PFKFB3: variants seen among roughly 807,000 people sequenced by gnomAD.
PFKFB3 encodes 6-phosphofructo-2-kinase/fructose-2,6-biphosphatase 3, also known as 6-phosphofructo-2-kinase/fructose-2,6-bisphosphatase 3.
PFKFB3 carries 33 observed loss-of-function variants against 68.0 expected under a neutral mutation model. The observed-to-expected ratio is 0.49, with a 90% CI of 0.37 to 0.65. PFKFB3 has a LOEUF of 0.65. Among genes scored for constraint, PFKFB3 ranks in the 30% least tolerant of loss-of-function variants. The pLI is 0.00. For missense variants in PFKFB3, 586 were observed against 712.2 expected (o/e 0.82, Z 2.02); for synonymous variants, 315 against 288.2 (o/e 1.09, Z -0.94).
chr10:6,225,049 G>T (rs918335941), intron 13 of PFKFB3: 5 of 449,758 alleles, frequency 1.1e-5, no homozygotes, highest in Non-Finnish European at 1.8e-5. Flanking sequence ...TGTCTACCTT[G>T]GGGGGAGGCC....
chr10:6,289,079 A>G, the PFKFB3 span, among the ~76,000 whole-genome samples: 1 of 150,418 alleles, frequency 6.6e-6, no homozygotes, highest in Non-Finnish European at 1.5e-5. Context: ...AATTTGTTTG[A>G]GTTCATCGTA....
the PFKFB3 span, among the ~76,000 whole-genome samples, chr10:6,289,567 T>G: frequency 1.2e-4 from 18 of 151,740 alleles, no homozygotes; most frequent in Non-Finnish European, 2.7e-4. Context: ...GATCTATATC[T>G]CTGTTTTGGT....
intron 1 of PFKFB3, among the ~76,000 whole-genome samples, chr10:6,156,127 A>ATGTGTGTGTGTG (rs1358879118): frequency 3.6e-4 from 17 of 46,782 alleles, no homozygotes; most frequent in African/African-American, 6.5e-4. Context: ...ATGTACATAT[A>ATGTGTGTGTGTG]TATGTGTGTG....
chr10:6,161,210 A>C (rs1841957996), intron 1 of PFKFB3, among the ~76,000 whole-genome samples: 1 of 152,198 alleles, frequency 6.6e-6, no homozygotes, highest in Admixed American at 6.5e-5. Context: ...TGCTGGAATT[A>C]CAGGTGTGAG....
intron 1 of PFKFB3, among the ~76,000 whole-genome samples, chr10:6,170,227 T>G (rs1032584251): frequency 6.6e-6 from 1 of 152,210 alleles, no homozygotes; most frequent in Non-Finnish European, 1.5e-5. Context: ...TAGAAGCAAT[T>G]TAAAGCCTCC....
chr10:6,159,434 C>A (rs573082447), intron 1 of PFKFB3, among the ~76,000 whole-genome samples: 1 of 151,872 alleles, frequency 6.6e-6, no homozygotes, highest in South Asian at 2.1e-4. Context: ...CATGGTGGCT[C>A]ACACCTGTAA....
chr10:6,325,313 T>C, the PFKFB3 span, among the ~76,000 whole-genome samples: 30 of 152,182 alleles, frequency 2.0e-4, no homozygotes, highest in Admixed American at 8.5e-4. Context: ...CTTTCAAAGT[T>C]AATAACATGT....
At chr10:6,280,063 G>A in the PFKFB3 span, among the ~76,000 whole-genome samples, 4 of 152,166 alleles carry the variant, frequency 2.6e-5, no homozygotes, top group Admixed American at 6.5e-5. Context: ...CACCTGGCTC[G>A]TTACCTTTGA....
the PFKFB3 span, among the ~76,000 whole-genome samples, chr10:6,268,362 T>C: frequency 6.6e-6 from 1 of 152,018 alleles, no homozygotes; most frequent in Admixed American, 6.6e-5. Context: ...ATTATAAAAA[T>C]TATATAAGGC....
At chr10:6,279,389 G>A in the PFKFB3 span, among the ~76,000 whole-genome samples, 9 of 152,124 alleles carry the variant, frequency 5.9e-5, no homozygotes, top group Admixed American at 5.2e-4. Flanking sequence ...GCCGCCAATC[G>A]GGTTTCTATC....
intron 13 of PFKFB3, chr10:6,225,056 G>T (rs1348700934): frequency 2.2e-6 from 1 of 452,160 alleles, no homozygotes; most frequent in Non-Finnish European, 4.5e-6. Flanking sequence ...CTTGGGGGGA[G>T]GCCTGACATT....
chr10:6,286,485 C>A, the PFKFB3 span, among the ~76,000 whole-genome samples: 1 of 152,038 alleles, frequency 6.6e-6, no homozygotes. Flanking sequence ...TCAAGTGATT[C>A]TCCTGCCTCA....
At chr10:6,179,451 AC>A (rs1209406620) in intron 1 of PFKFB3, among the ~76,000 whole-genome samples, 3 of 152,084 alleles carry the variant, frequency 2.0e-5, no homozygotes, top group Non-Finnish European at 4.4e-5. Flanking sequence ...GTGCTGGACA[AC>A]CCCCAGCTGC....
chr10:6,320,513 A>G, the PFKFB3 span, among the ~76,000 whole-genome samples: 1 of 151,668 alleles, frequency 6.6e-6, no homozygotes, highest in South Asian at 2.1e-4. Context: ...GGGCAGTGGC[A>G]CGGTCACGAC....
rs1842514177 is a variant in PFKFB3, at chr10:6,177,386, T to TTCTTTCTTTCTTTCTTTCTTTC, written c.16+32375_16+32396dup. On this transcript the variant is annotated intron_variant, in intron 1 of 14. Transcript: ENST00000379789. ...TTTCTTTCTTTCTTTCTTTCTTTCTTTCTTTCTTTCTTTCTTTCTTTCTTC... is the reference window on the plus strand; with the variant it reads ...TTTCTTTCTTTCTTTCTTTCTTTCTTTCTTTCTTTCTTTCTTTCTTTCTCTTTCTTTCTTTCTTTCTTTCTTC... 1.6e-4 allele frequency among the ~76,000 whole-genome samples: 18 copies of TTCTTTCTTTCTTTCTTTCTTTC among 113,302 alleles called. 1 individual carries two copies. The South Asian group carries it at 6.3e-3, about 40-fold the overall frequency. The allele number at this position is 113,302 out of a possible 152,430, so 74.3% of individuals were successfully genotyped here.
intron 3 of PFKFB3, 76 bp from the exon 4 acceptor site, chr10:6,216,049 G>A: frequency 8.0e-7 from 1 of 1,246,188 alleles, no homozygotes; most frequent in Admixed American, 1.7e-5. Context: ...GCTTGTCGGG[G>A]CGTGTCGGGA....
chr10:6,297,535 G>A, the PFKFB3 span, among the ~76,000 whole-genome samples: 116 of 152,058 alleles, frequency 7.6e-4, no homozygotes, highest in African/African-American at 2.6e-3. Flanking sequence ...TCCTGTGGTC[G>A]TGGCACAGGT....
rs753867115 is a variant in PFKFB3, at chr10:6,215,765, C to T, written c.300-360C>T. The stretch of plus-strand genomic sequence containing the variant: ...ACCCTAGTGCAAGGGTGTTCAGCCC[C>T]GGCTGTATGCTGGAGTCTCCTGGGG... On this transcript the variant is annotated intron_variant, in intron 3 of 14. Transcript: ENST00000379775. This position sits in a 1 kb window ranked among gnomAD's most constrained non-coding sequence, Gnocchi z 4.3. Among the ~76,000 whole-genome samples the T allele has an allele frequency of 3.9e-5, 6 of 152,168 alleles. No homozygotes were observed. The highest frequency in any genetic ancestry group is 7.4e-5 in the Non-Finnish European group (5 of 68,012).
chr10:6,177,358 T>TTCTC (rs1491331047), intron 1 of PFKFB3, among the ~76,000 whole-genome samples: 1 of 73,100 alleles, frequency 1.4e-5, no homozygotes, highest in East Asian at 3.8e-4. Context: ...TCTTTTCTCT[T>TTCTC]TCTTTCTTTC....
Sources: gnomAD v4.1 joint callset for allele counts (sites outside exome capture counted in the v4.1 genomes callset) on GRCh38, gnomAD v4.1.1 for gene constraint, Gnocchi (gnomAD v3.1) non-coding constraint, MANE v1.5 for transcripts, NCBI Gene and HGNC (gene_info 2026-07-23, HGNC 2026-07-21) for gene names.